The following RBFOX2 variants were observed in gnomAD, a reference collection of about 807,000 sequenced individuals.
RBFOX2 encodes the protein RNA binding protein fox-1 homolog 2.
A neutral mutation model predicts 49.1 loss-of-function variants in RBFOX2; 10 were observed. That is an observed-to-expected ratio of 0.20 (90% confidence interval 0.13 to 0.35). The LOEUF (loss-of-function observed/expected upper bound fraction) is 0.35, where lower values mean the gene tolerates loss of function less well. RBFOX2 is among the 10% of genes least tolerant of loss of function. The probability of loss-of-function intolerance (pLI) is 1.00; values close to 1 mark genes in which losing one functional copy is unlikely to be tolerated. For missense variants in RBFOX2, 323 were observed against 486.9 expected (o/e 0.66, Z 3.17); for synonymous variants, 183 against 187.4 (o/e 0.98, Z 0.19).
At chr22:35,912,280 G>A (rs1249311505) in intron 1 of RBFOX2, among the ~76,000 whole-genome samples, 2 of 152,184 alleles carry the variant, frequency 1.3e-5, no homozygotes, top group Non-Finnish European at 2.9e-5. Flanking sequence ...GAGAGGAAGG[G>A]AGAAGAACAT....
chr22:35,885,474 G>C (rs945131354), intron 1 of RBFOX2, among the ~76,000 whole-genome samples: 9 of 152,182 alleles, frequency 5.9e-5, no homozygotes, highest in Non-Finnish European at 1.0e-4. Flanking sequence ...AGAGCATAAA[G>C]ATCATCTGTC....
intron 2 of RBFOX2, among the ~76,000 whole-genome samples, chr22:35,802,036 T>C (rs938092080): frequency 2.6e-5 from 4 of 152,168 alleles, no homozygotes; most frequent in Non-Finnish European, 2.9e-5. Context: ...ATATGGGTTA[T>C]CTCTTTAGGA....
At chr22:35,973,174 G>A (rs561321725) in intron 1 of RBFOX2, among the ~76,000 whole-genome samples, 10 of 152,290 alleles carry the variant, frequency 6.6e-5, no homozygotes, top group Admixed American at 2.6e-4. Flanking sequence ...ATAAAGTACT[G>A]TGAGAGTCCT....
chr22:35,817,015 C>A (rs147677910), intron 1 of RBFOX2, among the ~76,000 whole-genome samples: 284 of 152,304 alleles, frequency 1.9e-3, no homozygotes, highest in Middle Eastern at 0.017. Context: ...TGGGTTGGAA[C>A]AGGACCCTGG....
chr22:35,907,446 G>A (rs2049248939), intron 1 of RBFOX2, among the ~76,000 whole-genome samples: 1 of 152,168 alleles, frequency 6.6e-6, no homozygotes, highest in African/African-American at 2.4e-5. Context: ...GAAGTAAACA[G>A]CAGTAAGGAT....
chr22:35,792,330 A>G (rs867862747), intron 2 of RBFOX2, among the ~76,000 whole-genome samples: 20 of 136,424 alleles, frequency 1.5e-4, no homozygotes, highest in East Asian at 1.0e-3. Context: ...AAAAAAAAAA[A>G]AAAAGAAAAG....
upstream of RBFOX2, among the ~76,000 whole-genome samples, chr22:35,943,848 T>A (rs1000154235): frequency 6.6e-6 from 1 of 152,174 alleles, no homozygotes; most frequent in African/African-American, 2.4e-5. Flanking sequence ...GAGCTTGCAG[T>A]GAGCCGAGAT....
At chr22:35,958,800 C>T (rs1003149727) in intron 1 of RBFOX2, among the ~76,000 whole-genome samples, 3 of 152,100 alleles carry the variant, frequency 2.0e-5, no homozygotes, top group African/African-American at 7.2e-5. Context: ...AAATGGTCAA[C>T]TATTAAGAAT....
At chr22:35,765,511 A>G in intron 5 of RBFOX2, 28 bp from the exon 7 acceptor site, 1 of 1,455,584 alleles carries the variant, frequency 6.9e-7, no homozygotes, top group Non-Finnish European at 9.5e-7. Context: ...AAAAAAGGGC[A>G]GGGAAGAAGT....
intron 4 of RBFOX2, among the ~76,000 whole-genome samples, chr22:35,774,104 A>T (rs2146871311): frequency 6.6e-6 from 1 of 152,166 alleles, no homozygotes. Context: ...TCCTTTTCAA[A>T]GACTGCTTTT....
chr22:36,006,998 C>T (rs113946236), intron 1 of RBFOX2, among the ~76,000 whole-genome samples: 149 of 152,262 alleles, frequency 9.8e-4, no homozygotes, highest in Middle Eastern at 3.4e-3. Context: ...CCAAGTAACC[C>T]ATGGGTGCAT....
chr22:35,954,634 T>C (rs1055936056), intron 1 of RBFOX2, among the ~76,000 whole-genome samples: 65 of 152,314 alleles, frequency 4.3e-4, no homozygotes, highest in African/African-American at 1.5e-3. Context: ...AGGTTCCAAA[T>C]ATCCCAAGCC....
chr22:35,751,075 G>C (rs1229368832), intron 9 of RBFOX2, among the ~76,000 whole-genome samples: 1 of 152,142 alleles, frequency 6.6e-6, no homozygotes, highest in Non-Finnish European at 1.5e-5. Context: ...GCACAGTTCT[G>C]TAGCTGGGTT....
At chr22:35,798,380 A>G (rs1367577400) in intron 2 of RBFOX2, among the ~76,000 whole-genome samples, 4 of 152,264 alleles carry the variant, frequency 2.6e-5, no homozygotes, top group Non-Finnish European at 5.9e-5. Flanking sequence ...GCACATGACA[A>G]GTATATATAA....
rs981990833 is a variant in RBFOX2, at chr22:36,019,866, T to C, written c.186+8374A>G. 2.0e-5 allele frequency among the ~76,000 whole-genome samples: 3 copies of C among 152,132 alleles called. No individual in the cohort carries two copies. The South Asian group carries it at 6.2e-4, about 32-fold the overall frequency. On this transcript the variant is annotated intron_variant, in intron 1 of 13. Transcript: ENST00000438146. ...AATGCCATCCCCATCAAGCTACCAA[T>C]GACTTTCTTCACAGAATTGGAAAAA...
intron 1 of RBFOX2, among the ~76,000 whole-genome samples, chr22:36,009,211 C>T (rs1404365307): frequency 6.6e-6 from 1 of 152,180 alleles, no homozygotes; most frequent in African/African-American, 2.4e-5. Context: ...TAACAACCAC[C>T]ATAACAACAG....
chr22:35,811,824 G>C (rs1010806715), intron 1 of RBFOX2, among the ~76,000 whole-genome samples: 1 of 151,630 alleles, frequency 6.6e-6, no homozygotes, highest in Non-Finnish European at 1.5e-5. Flanking sequence ...AATTAGCTGG[G>C]CATGGTGGTA....
chr22:35,878,069 C>T (rs2149261058), intron 1 of RBFOX2, among the ~76,000 whole-genome samples: 1 of 151,594 alleles, frequency 6.6e-6, no homozygotes, highest in Non-Finnish European at 1.5e-5. Flanking sequence ...CACACACACA[C>T]ACACACACAC....
chr22:35,934,471 C>T (rs2149706835), intron 1 of RBFOX2, among the ~76,000 whole-genome samples: 1 of 152,194 alleles, frequency 6.6e-6, no homozygotes, highest in African/African-American at 2.4e-5. Context: ...TCCCAGTTTA[C>T]CTGGGACTGT....
Sources: gnomAD v4.1 joint callset for allele counts (sites outside exome capture counted in the v4.1 genomes callset) on GRCh38, gnomAD v4.1.1 for gene constraint, MANE v1.5 for transcripts, NCBI Gene and HGNC (gene_info 2026-07-23, HGNC 2026-07-21) for gene names.